NEBL: variants seen among roughly 807,000 people sequenced by gnomAD.
NEBL encodes LIM and SH3 protein 2.
NEBL carries 122 observed loss-of-function variants against 140.2 expected under a neutral mutation model. That is an observed-to-expected ratio of 0.87 (90% confidence interval 0.75 to 1.01). NEBL has a LOEUF of 1.01. Among genes scored for constraint, NEBL ranks in the 50% least tolerant of loss-of-function variants. The pLI is 0.00. For synonymous variants in NEBL, 436 were observed against 398.9 expected (o/e 1.09, Z -1.11); for missense variants, 1,365 against 1,231.3 (o/e 1.11, Z -1.62).
At position 21,207,808 on chromosome 10, in the gene NEBL, G is replaced by A. The variant is rs150229045; in HGVS notation, n.349-35331C>T. On this transcript the variant is annotated intron_variant and non_coding_transcript_variant, in intron 3 of 8. Coordinates refer to the NEBL transcript ENST00000675702. ...ATGGAACATCTGTCTCTAGGTTCTA[G>A]AAACCATTCATTTAAAAAGTGGACA... Among the ~76,000 whole-genome samples, 17 of 152,280 alleles carry A rather than the reference G, an allele frequency of 1.1e-4. No homozygotes were observed. In the East Asian group the frequency reaches 3.1e-3, roughly 28 times the overall value.
At chr10:20,868,613 G>A (rs372629790) in intron 7 of NEBL, 51 bp downstream of exon 7, 41 of 1,245,892 alleles carry the variant, frequency 3.3e-5, no homozygotes, top group Non-Finnish European at 4.5e-5. Flanking sequence ...TGTGCTGTTA[G>A]AAACAAAATA....
intron 21 of NEBL, among the ~76,000 whole-genome samples, chr10:20,816,258 T>C (rs1410990962): frequency 2.0e-5 from 3 of 152,214 alleles, no homozygotes; most frequent in Non-Finnish European, 2.9e-5. Flanking sequence ...TCCGTAAAGC[T>C]GTAATAAATA....
chr10:20,831,191 C>T lies in NEBL; in HGVS notation c.1671+5G>A. 1 of 1,602,172 alleles carries T rather than the reference C, an allele frequency of 6.2e-7. No homozygotes were observed. Among genetic ancestry groups the T allele is most frequent in the Admixed American group, 1.7e-5 (1 of 59,950 alleles). On this transcript the variant is annotated splice_donor_5th_base_variant and intron_variant, in intron 16 of 27. Coordinates refer to ENST00000377122, the MANE Select transcript of NEBL (RefSeq NM_006393.3). ...CGATTCTGAGCATCTTCATTCATGA[C>T]CAACCTGGCTATAGATTTCAGATGT... is the stretch of plus-strand genomic sequence containing the variant.
At chr10:21,269,094 C>T (rs1842831836) in intron 1 of NEBL, among the ~76,000 whole-genome samples, 1 of 152,200 alleles carries the variant, frequency 6.6e-6, no homozygotes, top group African/African-American at 2.4e-5. Flanking sequence ...TGGGGATCCC[C>T]ATTTCCTGCT....
intron 16 of NEBL, among the ~76,000 whole-genome samples, chr10:20,829,991 T>G (rs1441666867): frequency 1.3e-5 from 2 of 152,190 alleles, no homozygotes; most frequent in African/African-American, 4.8e-5. Flanking sequence ...CAAATGTCTA[T>G]TTGTTGTTTA....
chr10:21,089,929 A>G (rs1253096991), intron 2 of NEBL, among the ~76,000 whole-genome samples: 2 of 152,186 alleles, frequency 1.3e-5, no homozygotes, highest in Non-Finnish European at 2.9e-5. Context: ...ATGATTACAC[A>G]TCATCTTCTA....
At chr10:21,024,469 T>C (rs1195092911) in intron 2 of NEBL, among the ~76,000 whole-genome samples, 1 of 150,348 alleles carries the variant, frequency 6.7e-6, no homozygotes, top group African/African-American at 2.5e-5. Flanking sequence ...GGATTCACAT[T>C]ATATTCAGAG....
chr10:21,068,668 C>G (rs1009088120), intron 2 of NEBL, among the ~76,000 whole-genome samples: 1 of 152,216 alleles, frequency 6.6e-6, no homozygotes, highest in Non-Finnish European at 1.5e-5. Flanking sequence ...CCAGTACACC[C>G]TCTTTTCTGC....
chr10:21,063,611 T>A (rs1835396526), intron 2 of NEBL, among the ~76,000 whole-genome samples: 1 of 152,200 alleles, frequency 6.6e-6, no homozygotes, highest in Non-Finnish European at 1.5e-5. Flanking sequence ...TCTCTGGAGT[T>A]GGCTGGATGT....
Position 21,138,000 on chromosome 10 carries a change from G to A in NEBL, c.164+34383C>T, listed in dbSNP as rs1486812634. Among the ~76,000 whole-genome samples, 3 of 151,742 alleles carry A rather than the reference G, an allele frequency of 2.0e-5. 1 individual carries two copies. The highest frequency in any genetic ancestry group is 3.9e-4 in the East Asian group (2 of 5,166). On this transcript the variant is annotated intron_variant, in intron 2 of 6. Coordinates refer to the NEBL transcript ENST00000417816. Reference sequence around the variant, plus strand: ...AGAAAGGAAGGAACTGGAAGTGGATGGAGAGGAGCCCAGCATGCTGCGAAT... The same window carrying A: ...AGAAAGGAAGGAACTGGAAGTGGATAGAGAGGAGCCCAGCATGCTGCGAAT...
At chr10:21,115,393 T>C (rs1334595167) in intron 2 of NEBL, among the ~76,000 whole-genome samples, 5 of 152,164 alleles carry the variant, frequency 3.3e-5, no homozygotes, top group Non-Finnish European at 7.4e-5. Context: ...TCATTTTCTT[T>C]CTGTCTAAAA....
intron 3 of NEBL, among the ~76,000 whole-genome samples, chr10:21,214,397 AC>A (rs1841957851): frequency 6.6e-6 from 1 of 152,170 alleles, no homozygotes; most frequent in African/African-American, 2.4e-5. Flanking sequence ...AAGGAAAGAA[AC>A]AAGAAGAGAA....
chr10:20,799,121 A>G (rs1224897392), intron 26 of NEBL, among the ~76,000 whole-genome samples: 1 of 152,194 alleles, frequency 6.6e-6, no homozygotes, highest in Non-Finnish European at 1.5e-5. Flanking sequence ...TAAAGAAATA[A>G]TTCATTTTTC....
intron 26 of NEBL, among the ~76,000 whole-genome samples, chr10:20,803,383 A>G (rs969698850): frequency 2.0e-5 from 3 of 152,194 alleles, no homozygotes; most frequent in Non-Finnish European, 4.4e-5. Context: ...ATGTATAATT[A>G]TTATTTATCC....
At chr10:21,240,947 A>AG (rs1341595507) in intron 3 of NEBL, among the ~76,000 whole-genome samples, 100 of 121,278 alleles carry the variant, frequency 8.2e-4, no homozygotes, top group Non-Finnish European at 1.4e-3. Flanking sequence ...CACACACACA[A>AG]AACCAGTATC....
intron 4 of NEBL, among the ~76,000 whole-genome samples, chr10:20,907,037 G>A (rs369861167): frequency 1.3e-5 from 2 of 152,088 alleles, no homozygotes; most frequent in African/African-American, 2.4e-5. Context: ...GTGTTCAATG[G>A]TCAGATGTAG....
intron 2 of NEBL, among the ~76,000 whole-genome samples, chr10:21,158,264 A>C (rs1291680128): frequency 6.6e-6 from 1 of 152,158 alleles, no homozygotes; most frequent in Non-Finnish European, 1.5e-5. Flanking sequence ...CCCTTTCTAA[A>C]ACTTGGGATG....
intron 26 of NEBL, among the ~76,000 whole-genome samples, chr10:20,801,173 A>ATC (rs370921218): frequency 4.0e-5 from 6 of 150,342 alleles, no homozygotes; most frequent in Non-Finnish European, 8.9e-5. Context: ...CTACTTGGCT[A>ATC]TCTCTCTCTC....
intron 1 of NEBL, among the ~76,000 whole-genome samples, chr10:21,267,884 G>A (rs142150278): frequency 4.7e-4 from 71 of 152,270 alleles, no homozygotes; most frequent in African/African-American, 1.7e-3. Flanking sequence ...AAAGATCTAT[G>A]GGACAGAGCT....
Sources: allele counts gnomAD v4.1 joint callset (sites outside exome capture counted in the v4.1 genomes callset), GRCh38; gene constraint gnomAD v4.1.1; transcripts MANE v1.5; gene names NCBI Gene and HGNC (gene_info 2026-07-23, HGNC 2026-07-21).